Variants in GABRD observed in about 807,000 individuals in gnomAD.
GABRD encodes gamma-aminobutyric acid receptor subunit delta.
In GABRD, 25 loss-of-function variants were observed where a neutral mutation model predicts 47.3. The ratio of observed to expected loss-of-function variants is 0.53; its 90% confidence interval spans 0.39 to 0.74. The LOEUF (loss-of-function observed/expected upper bound fraction) is 0.74, where lower values mean the gene tolerates loss of function less well. Ranked by LOEUF, GABRD falls within the 30% of genes least tolerant of loss-of-function variation. The pLI, the probability that GABRD is intolerant of heterozygous loss-of-function variation, is 0.00. For missense variants in GABRD, 497 were observed against 643.4 expected (o/e 0.77, Z 2.46); for synonymous variants, 314 against 278.8 (o/e 1.13, Z -1.26).
At position 2,030,261 on chromosome 1, in the gene GABRD, C is replaced by T. The variant is rs1274279096; in HGVS notation, c.1338C>T (p.Tyr446=). 2.6e-6 allele frequency: 4 copies of T among 1,555,352 alleles called. No individual in the cohort carries two copies. The highest frequency in any genetic ancestry group is 2.6e-6 in the Non-Finnish European group (3 of 1,146,978). Reference sequence around the variant, plus strand: ...CGTTTGCGGCCGTCAATGTCATCTACTGGGCGGCATACGCCATGTGAGCAC... The same window carrying T: ...CGTTTGCGGCCGTCAATGTCATCTATTGGGCGGCATACGCCATGTGAGCAC... ...PAAFAAVNVI[Y]WAAYAM is the part of the protein sequence containing the mutation. The change falls in exon 9 of 9, where the codon TAC becomes TAT. Residue 446 remains tyrosine (Y), a synonymous_variant. Transcript: ENST00000378585.
chr1:2,028,065 C>T lies in GABRD; in HGVS notation c.554-90C>T, dbSNP rs1658977388. 6.9e-7 allele frequency: 1 copy of T among 1,451,992 alleles called. No individual in the cohort carries two copies. Among genetic ancestry groups the T allele is most frequent in the East Asian group, 2.4e-5 (1 of 42,418 alleles). The allele number at this position is 1,451,992 out of a possible 1,614,324, so 89.9% of individuals were successfully genotyped here. ...TCCCCATCACGATGGCGTCGGCCCC[C>T]TGCAGGCTTCCTGTGTGGACGGAGC... On this transcript the variant is annotated intron_variant, in intron 5 of 8. Transcript: ENST00000378585. The surrounding 1 kb of genome is among the most constrained non-coding windows in gnomAD (Gnocchi z 6.4).
At chr1:2,026,931 T>A (rs557529857) in intron 4 of GABRD, 1 of 158,248 alleles carries the variant, frequency 6.3e-6, no homozygotes, top group South Asian at 1.8e-4. Context: ...GAGGTGAGAG[T>A]ATACTTGAGC....
chr1:2,024,990 C>T lies in GABRD; in HGVS notation c.117C>T (p.Ser39=). The T allele has an allele frequency of 6.2e-7, 1 of 1,613,006 alleles. No individual in the cohort carries two copies. The highest frequency in any genetic ancestry group is 8.5e-7 in the Non-Finnish European group (1 of 1,179,906). ...ACGTGGGCTCCAACCTGGAGATCTC[C>T]TGGCTCCCCAACCTGGACGGGCTGA... ...GDYVGSNLEI[S]WLPNLDGLIA... is the part of the protein sequence containing the mutation. Residue 39 remains serine, a synonymous_variant, in exon 2 of 9, where the codon TCC becomes TCT. Transcript: ENST00000378585.
rs559765850 is a variant in GABRD, at chr1:2,025,702, G to A, written c.434G>A (p.Arg145Gln). ...GTGACGGTGGAGAACAAGCTCATCC[G>A]GCTGCAGCCCGACGGCGTGATCCTG... ...HDVTVENKLI[R>Q]LQPDGVILYS... Residue 145 changes from arginine to glutamine, a missense_variant, in exon 4 of 9, where the codon CGG becomes CAG. By Grantham distance (43) the Arg-to-Gln change is conservative. Around this residue, in one of 3 missense-constraint regions of GABRD, gnomAD observed 285 missense variants for 436.6 expected, o/e 0.65. Coordinates refer to ENST00000378585, the MANE Select transcript of GABRD (RefSeq NM_000815.5). The A allele has an allele frequency of 5.6e-6, 9 of 1,612,776 alleles. No individual in the cohort carries two copies. Among genetic ancestry groups the A allele is most frequent in the African/African-American group, 2.7e-5 (2 of 74,946 alleles).
At chr1:2,025,311 T>A (rs1375564719) in intron 2 of GABRD, 23 bp from the exon 3 acceptor site, 1 of 1,612,978 alleles carries the variant, frequency 6.2e-7, no homozygotes, top group South Asian at 1.1e-5. Flanking sequence ...TCAGTCCTTC[T>A]TAGTTCTGCT....
At chr1:2,022,535 C>T (rs1204643308) in intron 1 of GABRD, 1 of 152,310 alleles carries the variant, frequency 6.6e-6, no homozygotes, top group East Asian at 1.9e-4. Flanking sequence ...CTGAGATGGG[C>T]AAGAGATGTG....
rs753657631 is a variant in GABRD at position 2,030,077 on chromosome 1, G to A, written c.1154G>A (p.Gly385Glu). The change falls in exon 9 of 9, where the codon GGG (glycine) becomes GAG (glutamate). Residue 385 changes from glycine to glutamate, a missense_variant. Transcript: ENST00000378585. ...TCCCGCCGGCAGCGCCGCGTCCCGG[G>A]GAACCTGATGGGCTCCTACAGGTCG... ...AISRRQRRVP[G>E]NLMGSYRSVG... is the part of the protein sequence containing the mutation. 30 of 1,607,878 alleles carry A rather than the reference G, an allele frequency of 1.9e-5. No homozygotes were observed. In the Middle Eastern group the frequency reaches 1.3e-3, roughly 71 times the overall value.
chr1:2,020,202 GC>G (rs1025778963), intron 1 of GABRD, among the ~76,000 whole-genome samples: 3 of 152,290 alleles, frequency 2.0e-5, no homozygotes, highest in Non-Finnish European at 4.4e-5. Flanking sequence ...GGCCTACAGT[GC>G]CCCCCCATCT....
chr1:2,022,110 C>T (rs2102143653), intron 1 of GABRD, among the ~76,000 whole-genome samples: 1 of 152,274 alleles, frequency 6.6e-6, no homozygotes, highest in South Asian at 2.1e-4. Context: ...CAGGAAACCC[C>T]AAGCTCAGGC....
At chr1:2,027,278 C>T in intron 4 of GABRD, 1 of 470,930 alleles carries the variant, frequency 2.1e-6, no homozygotes, top group Middle Eastern at 6.2e-4. Flanking sequence ...TCAGCCATCG[C>T]TCGGGCCAGG....
chr1:2,019,498 G>A lies in GABRD; in HGVS notation c.68+7G>A, dbSNP rs1658715714. On this transcript the variant is annotated splice_region_variant and intron_variant, in intron 1 of 8. Transcript: ENST00000378585. ...AGCAGCTCCGCGGCACCAGGTGAGC[G>A]GGCGGGGTCCGCGCGGCGCGGGGTC... 1.8e-6 allele frequency: 2 copies of A among 1,111,820 alleles called. No individual in the cohort carries two copies. Among genetic ancestry groups the A allele is most frequent in the South Asian group, 4.4e-5 (1 of 22,902 alleles). 68.9% of individuals were successfully genotyped at this position (1,111,820 alleles called of 1,614,324 possible).
chr1:2,022,613 A>G (rs891842941), intron 1 of GABRD, among the ~76,000 whole-genome samples: 10 of 152,264 alleles, frequency 6.6e-5, no homozygotes, highest in Non-Finnish European at 1.2e-4. Context: ...GGCTGGTCCA[A>G]AAATAAAGCC....
chr1:2,027,750 C>G (rs908715210), intron 5 of GABRD, 91 bp downstream of exon 5: 1 of 1,183,028 alleles, frequency 8.5e-7, no homozygotes, highest in Non-Finnish European at 1.2e-6. Context: ...GCTGGCCCGG[C>G]TCAGGATGCA....
intron 1 of GABRD, chr1:2,023,583 A>G (rs910705733): frequency 1.3e-5 from 2 of 152,170 alleles, no homozygotes; most frequent in African/African-American, 2.4e-5. Context: ...CTGTATCTGA[A>G]CTGGGGTCAA....
At position 2,028,004 on chromosome 1, in the gene GABRD, G is replaced by T. The variant is rs138556687; in HGVS notation, c.554-151G>T. The T allele has an allele frequency of 8.1e-6, 7 of 859,904 alleles. No individual in the cohort carries two copies. The African/African-American group carries it at 1.2e-4, about 15-fold the overall frequency. 53.3% of individuals were successfully genotyped at this position (859,904 alleles called of 1,614,324 possible). ...AGGAGCCCGACGTGGTCCCAGAGCCGAAGGTCTCCTCGCTCCTGGCTGGGG... is the reference window on the plus strand; with the variant it reads ...AGGAGCCCGACGTGGTCCCAGAGCCTAAGGTCTCCTCGCTCCTGGCTGGGG... On this transcript the variant is annotated intron_variant, in intron 5 of 8. Transcript: ENST00000378585. The surrounding 1 kb of genome is among the most constrained non-coding windows in gnomAD (Gnocchi z 6.4).
intron 4 of GABRD, 184 bp downstream of exon 4, chr1:2,025,922 G>A (rs1269898162): frequency 5.0e-6 from 3 of 605,640 alleles, no homozygotes; most frequent in South Asian, 2.0e-5. Flanking sequence ...GGAAACATCC[G>A]CTCCAAGGTC....
rs193077611 is a variant in GABRD at position 2,025,921 on chromosome 1, C to T, written c.470+183C>T. On this transcript the variant is annotated intron_variant, in intron 4 of 8. Transcript: ENST00000378585. The stretch of plus-strand genomic sequence containing the variant: ...CCCCCGCAGCTGCTGGGGAAACATC[C>T]GCTCCAAGGTCGCCGACAGGAAGCC... The T allele has an allele frequency of 4.3e-5, 26 of 607,028 alleles. 1 individual carries two copies. Among genetic ancestry groups the T allele is most frequent in the Middle Eastern group, 8.9e-4 (2 of 2,242 alleles). The allele number at this position is 607,028 out of a possible 1,614,324, so 37.6% of individuals were successfully genotyped here.
At chr1:2,022,760 TG>T (rs1333708747) in intron 1 of GABRD, among the ~76,000 whole-genome samples, 1 of 152,246 alleles carries the variant, frequency 6.6e-6, no homozygotes, top group Non-Finnish European at 1.5e-5. Context: ...GGGCCACTCC[TG>T]GGGGTCCCGT....
Position 2,028,300 on chromosome 1 carries a change from A to ATGCCCGCCGCCCCTTCCGCATG in GABRD, c.691+28_691+49dup, listed in dbSNP as rs769061415. On this transcript the variant is annotated intron_variant, in intron 6 of 8. Transcript: ENST00000378585. This position sits in a 1 kb window ranked among gnomAD's most constrained non-coding sequence, Gnocchi z 6.4. ...TGATGAACTTCAAGTCCGGTAACAT[A>ATGCCCGCCGCCCCTTCCGCATG]TGCCCGCCGCCCCTTCCGCATGTGC... 3.7e-6 allele frequency: 6 copies of ATGCCCGCCGCCCCTTCCGCATG among 1,605,194 alleles called. No homozygotes were observed. Among genetic ancestry groups the ATGCCCGCCGCCCCTTCCGCATG allele is most frequent in the East Asian group, 2.2e-5 (1 of 44,510 alleles).
Sources: gnomAD v4.1 joint callset for allele counts (sites outside exome capture counted in the v4.1 genomes callset) on GRCh38, gnomAD v4.1.1 for gene constraint, gnomAD v4.1.1 regional missense constraint, Gnocchi (gnomAD v3.1) non-coding constraint, MANE v1.5 for transcripts, NCBI Gene and HGNC (gene_info 2026-07-23, HGNC 2026-07-21) for gene names.